The following MAD2L1BP variants were observed in gnomAD, a reference collection of about 807,000 sequenced individuals.
MAD2L1BP encodes MAD2L1 binding protein.
Under a neutral mutation model 28.4 loss-of-function variants are expected in MAD2L1BP, and 22 were observed. The observed-to-expected ratio is 0.77, with a 90% confidence interval of 0.55 to 1.10. The LOEUF is 1.10. MAD2L1BP is among the 50% of genes least tolerant of loss of function. The pLI is 0.00. For missense variants in MAD2L1BP, 325 were observed against 350.5 expected (o/e 0.93, Z 0.58); for synonymous variants, 146 against 133.7 (o/e 1.09, Z -0.63).
At chr6:43,634,357 C>T (rs1004845688), upstream of MAD2L1BP, among the ~76,000 whole-genome samples, 27 of 151,210 alleles carry the variant, frequency 1.8e-4, no homozygotes, top group African/African-American at 4.9e-5. Flanking sequence ...ATAGCCAGGA[C>T]GACAGTTGTG....
At chr6:43,636,837 C>A in intron 2 of MAD2L1BP, 191 bp downstream of exon 2, 2 of 640,410 alleles carry the variant, frequency 3.1e-6, no homozygotes, top group South Asian at 2.0e-5. Flanking sequence ...TTCTTTCTTT[C>A]TGAAACTCAC....
rs779176927 is a variant in MAD2L1BP, at chr6:43,637,653, C to T, written c.312+1007C>T. Among the ~76,000 whole-genome samples, 62 of 152,216 alleles carry T rather than the reference C, an allele frequency of 4.1e-4. 1 individual carries two copies. The highest frequency in any genetic ancestry group is 4.6e-4 in the Admixed American group (7 of 15,298). On this transcript the variant is annotated intron_variant, in intron 2 of 2. Transcript: ENST00000372171. ...TCACTCTGTCACCCAGGCTGGAGTG[C>T]AGTCGTGCCATGTTGGCTCACTGCA...
In MAD2L1BP at chr6:43,640,597, C is replaced by A; in HGVS notation, c.*64C>A. 1.3e-6 allele frequency: 2 copies of A among 1,495,526 alleles called. No individual in the cohort carries two copies. The highest frequency in any genetic ancestry group is 1.8e-6 in the Non-Finnish European group (2 of 1,120,036). The allele number at this position is 1,495,526 out of a possible 1,614,324, so 92.6% of individuals were successfully genotyped here. ...TATCTTTCTCCATGTGGCGCTGAAT[C>A]ACCCATCTGGTTTGGAGCTAGAGTT... On this transcript the variant is annotated 3_prime_UTR_variant, in exon 3 of 3. Coordinates refer to ENST00000372171, the MANE Select transcript of MAD2L1BP (RefSeq NM_014628.3).
In MAD2L1BP at chr6:43,640,648, TC is replaced by T. The variant is rs1554145744; in HGVS notation, c.*116del. On this transcript the variant is annotated 3_prime_UTR_variant, in exon 3 of 3. Transcript: ENST00000372171. ...GCTTCCTGGTGAGAGAGGAAGCAAC[TC>T]TCCTTCTGGTTGTCTGCCTCCCCTC... 8.3e-7 allele frequency: 1 copy of T among 1,200,390 alleles called. No homozygotes were observed. Among genetic ancestry groups the T allele is most frequent in the Non-Finnish European group, 1.1e-6 (1 of 877,994 alleles). 74.4% of individuals were successfully genotyped at this position (1,200,390 alleles called of 1,614,324 possible).
intron 2 of MAD2L1BP, among the ~76,000 whole-genome samples, chr6:43,637,788 G>A (rs1200871629): frequency 5.3e-5 from 8 of 151,844 alleles, no homozygotes; most frequent in South Asian, 2.1e-4. Context: ...TAGTATAGAC[G>A]GGGTTTCACC....
intron 2 of MAD2L1BP, 155 bp downstream of exon 2, chr6:43,636,801 C>G (rs543189692): frequency 2.4e-6 from 2 of 829,082 alleles, no homozygotes; most frequent in African/African-American, 1.7e-5. Flanking sequence ...TCTTTGGTAG[C>G]CTAACCCTTC....
In MAD2L1BP at chr6:43,640,243, C is replaced by G; in HGVS notation, c.535C>G (p.Gln179Glu). 1 of 1,613,912 alleles carries G rather than the reference C, an allele frequency of 6.2e-7. No homozygotes were observed. The highest frequency in any genetic ancestry group is 8.5e-7 in the Non-Finnish European group (1 of 1,179,966). The change falls in exon 3 of 3, where the codon CAG (glutamine) becomes GAG (glutamate). Residue 179 changes from glutamine to glutamate, a missense_variant. Gln to Glu is a conservative substitution (Grantham distance 29). Coordinates refer to ENST00000372171, the MANE Select transcript of MAD2L1BP (RefSeq NM_014628.3). ...LSLLAPYSVD[Q>E]SLSTAACLRR... ...TCTGCTGGCCCCCTACAGCGTGGAC[C>G]AGAGCCTGAGCACAGCAGCTTGTTT...
At chr6:43,632,658 T>C (rs1417721254), upstream of MAD2L1BP, among the ~76,000 whole-genome samples, 1 of 150,218 alleles carries the variant, frequency 6.7e-6, no homozygotes, top group Non-Finnish European at 1.5e-5. Context: ...GACCTGACAC[T>C]TGTCTTTTTT....
At chr6:43,639,901 T>G (rs1582367780) in intron 2 of MAD2L1BP, 120 bp from the exon 3 acceptor site, 1 of 741,858 alleles carries the variant, frequency 1.3e-6, no homozygotes. Flanking sequence ...GCTGTGGCGG[T>G]TCATTGAGCT....
rs938793058 is a variant in MAD2L1BP, at chr6:43,635,903, T to C, written c.28T>C (p.Ser10Pro). 2.7e-6 allele frequency: 4 copies of C among 1,496,940 alleles called. No individual in the cohort carries two copies. Among genetic ancestry groups the C allele is most frequent in the Admixed American group, 2.8e-5 (1 of 36,250 alleles). 92.7% of individuals were successfully genotyped at this position (1,496,940 alleles called of 1,614,324 possible). ...GGCGGCGCCGGAGGCGGAGGTTCTG[T>C]CCTCAGCCGCAGTCCCTGGTAAGGC... MAAPEAEVL[S>P]SAAVPDLEWY... The change falls in exon 1 of 3, where the codon TCC becomes CCC. Residue 10 changes from serine (S) to proline (P), a missense_variant. Transcript: ENST00000372171.
Position 43,636,588 on chromosome 6 carries a change from A to T in MAD2L1BP, c.254A>T (p.Gln85Leu), listed in dbSNP as rs1770234500. Residue 85 changes from glutamine to leucine, a missense_variant, in exon 2 of 3, where the codon CAG (glutamine) becomes CTG (leucine). Transcript: ENST00000372171. ...ELLKHIMYQR[Q>L]QLPLPYEQLK... ...CTAAAGCATATCATGTATCAACGCC[A>T]GCAGCTCCCTCTGCCCTATGAACAG... is the stretch of plus-strand genomic sequence containing the variant. 6.2e-7 allele frequency: 1 copy of T among 1,614,072 alleles called. No homozygotes were observed. The highest frequency in any genetic ancestry group is 8.5e-7 in the Non-Finnish European group (1 of 1,180,044).
chr6:43,636,850 G>A, intron 2 of MAD2L1BP: 1 of 612,766 alleles, frequency 1.6e-6, no homozygotes, highest in Non-Finnish European at 2.8e-6. Flanking sequence ...AAACTCACGT[G>A]TTGCATTTGG....
intron 1 of MAD2L1BP, 66 bp downstream of exon 1, chr6:43,635,987 C>G (rs1770194271): frequency 3.4e-6 from 5 of 1,463,262 alleles, no homozygotes; most frequent in Middle Eastern, 1.9e-4. Flanking sequence ...GCCGCGCCAT[C>G]CATTCGTTTA....
chr6:43,636,508 G>C lies in MAD2L1BP; in HGVS notation c.174G>C (p.Val58=). The C allele has an allele frequency of 6.2e-7, 1 of 1,614,166 alleles. No individual in the cohort carries two copies. ...AFCPRDCMVP[V]VFPGPVSQEG... ...GCCCAAGAGACTGCATGGTACCAGT[G>C]GTGTTTCCTGGGCCTGTGAGCCAGG... is the stretch of plus-strand genomic sequence containing the variant. Residue 58 remains valine (V), a synonymous_variant, in exon 2 of 3, where the codon GTG becomes GTC. Transcript: ENST00000372171.
chr6:43,639,428 T>C (rs1020217182), intron 2 of MAD2L1BP, among the ~76,000 whole-genome samples: 19 of 152,242 alleles, frequency 1.2e-4, no homozygotes, highest in Non-Finnish European at 2.6e-4. Flanking sequence ...CGTAAGCCAC[T>C]GCGCCCAGCC....
At chr6:43,639,349 C>T (rs1197403487) in intron 2 of MAD2L1BP, among the ~76,000 whole-genome samples, 1 of 152,150 alleles carries the variant, frequency 6.6e-6, no homozygotes, top group Admixed American at 6.5e-5. Flanking sequence ...CCATGTTAGC[C>T]AGGATGGTCT....
chr6:43,632,662 CT>C (rs775956301), upstream of MAD2L1BP, among the ~76,000 whole-genome samples: 883 of 107,364 alleles, frequency 8.2e-3, 8 homozygotes, highest in African/African-American at 0.022. Context: ...TGACACTTGT[CT>C]TTTTTTTTTT....
chr6:43,639,988 G>A (rs762845580), intron 2 of MAD2L1BP, 33 bp from the exon 3 acceptor site: 1 of 1,508,488 alleles, frequency 6.6e-7, no homozygotes, highest in Non-Finnish European at 8.9e-7. Context: ...CCCCTGCCTT[G>A]TTCTTCTCTC....
Position 43,636,378 on chromosome 6 carries a change from C to G in MAD2L1BP, c.47-3C>G. On this transcript the variant is annotated splice_region_variant and splice_polypyrimidine_tract_variant and intron_variant, in intron 1 of 2. Transcript: ENST00000372171. ...CTCTCTTGTCCCTCTTTTCATCTAC[C>G]AGATTTGGAGTGGTATGAGAAGTCC... 1 of 1,613,018 alleles carries G rather than the reference C, an allele frequency of 6.2e-7. No individual in the cohort carries two copies. The highest frequency in any genetic ancestry group is 8.5e-7 in the Non-Finnish European group (1 of 1,179,416).
Sources: allele counts gnomAD v4.1 joint callset (sites outside exome capture counted in the v4.1 genomes callset), GRCh38; gene constraint gnomAD v4.1.1; transcripts MANE v1.5; gene names NCBI Gene and HGNC (gene_info 2026-07-23, HGNC 2026-07-21).